UNC13A: variants seen among roughly 807,000 people sequenced by gnomAD.
UNC13A encodes the protein protein unc-13 homolog A.
UNC13A carries 61 observed loss-of-function variants against 219.7 expected under a neutral mutation model. That is an observed-to-expected ratio of 0.28 (90% CI 0.23 to 0.34). The LOEUF (loss-of-function observed/expected upper bound fraction) is 0.34, where lower values mean the gene tolerates loss of function less well. Among genes scored for constraint, UNC13A ranks in the 10% least tolerant of loss-of-function variants. The probability of loss-of-function intolerance (pLI) is 1.00; values close to 1 mark genes in which losing one functional copy is unlikely to be tolerated. For synonymous variants in UNC13A, 920 were observed against 884.6 expected, an observed-to-expected ratio of 1.04 and a Z score of -0.71; for missense variants, 1,476 against 2,270.3, an observed-to-expected ratio of 0.65 and a Z score of 7.11.
intron 1 of UNC13A, among the ~76,000 whole-genome samples, chr19:17,682,330 C>G (rs900708541): frequency 2.6e-5 from 4 of 152,186 alleles, no homozygotes; most frequent in Non-Finnish European, 4.4e-5. Context: ...AGGGGCTCTG[C>G]AAGCCTCATT....
At chr19:17,630,844 G>C (rs991008572) in intron 28 of UNC13A, 94 bp from the exon 29 acceptor site, 4 of 1,118,278 alleles carry the variant, frequency 3.6e-6, no homozygotes, top group Non-Finnish European at 5.2e-6. Context: ...TGGAGCTATG[G>C]CTGCTCCTGC....
chr19:17,663,291 C>A (rs1367854955), intron 8 of UNC13A, among the ~76,000 whole-genome samples: 1 of 140,292 alleles, frequency 7.1e-6, no homozygotes, highest in Non-Finnish European at 1.6e-5. Flanking sequence ...TCCAGGCTAA[C>A]CCCCCCCACC....
chr19:17,616,315 G>A, intron 41 of UNC13A: 3 of 645,052 alleles, frequency 4.7e-6, no homozygotes, highest in East Asian at 2.8e-5. Context: ...GGCCCTTGAG[G>A]CAGAAGGACG....
Position 17,639,823 on chromosome 19 carries a change from A to T in UNC13A, c.2856+17T>A. On this transcript the variant is annotated intron_variant, in intron 23 of 43. Coordinates refer to ENST00000519716, the MANE Select transcript of UNC13A (RefSeq NM_001080421.3). ...ATGTGCGTGGGGTGAGCAAATTCTC[A>T]TGCACACACTTCCTACCCGGTACAT... 1.2e-6 allele frequency: 2 copies of T among 1,611,774 alleles called. No homozygotes were observed. Among genetic ancestry groups the T allele is most frequent in the Non-Finnish European group, 1.7e-6 (2 of 1,178,500 alleles).
At chr19:17,608,385 T>TATATATTATATATGTATATAA (rs1555775548) in intron 43 of UNC13A, among the ~76,000 whole-genome samples, 10 of 42,396 alleles carry the variant, frequency 2.4e-4, no homozygotes, top group African/African-American at 9.7e-4. Flanking sequence ...TGTATATAAA[T>TATATATTATATATGTATATAA]ATATATATAT....
intron 21 of UNC13A, among the ~76,000 whole-genome samples, chr19:17,641,093 G>C (rs931840201): frequency 6.6e-6 from 1 of 151,896 alleles, no homozygotes; most frequent in African/African-American, 2.4e-5. Flanking sequence ...TGGCCAGGCT[G>C]GTCTTGTACT....
At position 17,606,105 on chromosome 19, in the gene UNC13A, G is replaced by A. The variant is rs754854349; in HGVS notation, c.5061C>T (p.Leu1687=). ...NDEVAKEFVK[L]KSDTRSAEEG... is the part of the protein sequence containing the mutation. ...CCTCGGCGGAGCGCGTGTCCGACTT[G>A]AGCTTCACGAACTCCTTGGCCACCT... is the stretch of plus-strand genomic sequence containing the variant. Residue 1687 remains leucine, a synonymous_variant, in exon 44 of 44, where the codon CTC becomes CTT. Transcript: ENST00000519716. The A allele has an allele frequency of 1.9e-6, 3 of 1,596,244 alleles. No individual in the cohort carries two copies. The highest frequency in any genetic ancestry group is 2.8e-5 in the African/African-American group (2 of 72,580).
chr19:17,608,264 TAATA>T (rs2076556339), intron 43 of UNC13A, among the ~76,000 whole-genome samples: 1 of 141,184 alleles, frequency 7.1e-6, no homozygotes. Flanking sequence ...ATGAAATATA[TAATA>T]TATATACTTT....
At chr19:17,636,463 A>T (rs551198114) in intron 25 of UNC13A, among the ~76,000 whole-genome samples, 143 of 152,318 alleles carry the variant, frequency 9.4e-4, no homozygotes, top group Non-Finnish European at 1.4e-3. Context: ...ATGAATGCAA[A>T]TTAAGCCCAC....
intron 23 of UNC13A, 122 bp downstream of exon 23, chr19:17,639,718 C>G (rs1317590010): frequency 3.2e-6 from 4 of 1,252,432 alleles, no homozygotes; most frequent in Non-Finnish European, 4.6e-6. Flanking sequence ...TGCACACATG[C>G]TGGAGGAACA....
At chr19:17,672,683 G>A (rs2079813183) in intron 3 of UNC13A, among the ~76,000 whole-genome samples, 188 bp from the exon 4 acceptor site, 1 of 152,122 alleles carries the variant, frequency 6.6e-6, no homozygotes, top group Non-Finnish European at 1.5e-5. Context: ...AGTGGGGGAA[G>A]TTAAGAGCTC....
Position 17,640,681 on chromosome 19 carries a change from GGC to G in UNC13A, c.2637-22_2637-21del, listed in dbSNP as rs1404069924. The G allele has an allele frequency of 6.4e-7, 1 of 1,563,004 alleles. No individual in the cohort carries two copies. The highest frequency in any genetic ancestry group is 8.7e-7 in the Non-Finnish European group (1 of 1,155,082). ...AAGTGGCTGGAGAGAGGGAGCAGGA[GGC>G]ACTAGGCCAGGGGTCCAGCCAGGAT... On this transcript the variant is annotated intron_variant, in intron 21 of 43. Coordinates refer to ENST00000519716, the MANE Select transcript of UNC13A (RefSeq NM_001080421.3).
chr19:17,688,224 GA>G lies in UNC13A; in HGVS notation c.-26del. On this transcript the variant is annotated 5_prime_UTR_variant, in exon 1 of 44. Transcript: ENST00000519716. The stretch of plus-strand genomic sequence containing the variant: ...TGTCTCCGAGCTCGCAGGTGGGCCG[GA>G]GGCGGCCGGGCCGGCTCTGTCGGGT... The G allele has an allele frequency of 6.7e-7, 1 of 1,493,120 alleles. No homozygotes were observed. Among genetic ancestry groups the G allele is most frequent in the South Asian group, 1.3e-5 (1 of 78,152 alleles). 92.5% of individuals were successfully genotyped at this position (1,493,120 alleles called of 1,614,324 possible).
At chr19:17,641,316 T>C in intron 21 of UNC13A, 77 bp downstream of exon 21, 2 of 1,545,652 alleles carry the variant, frequency 1.3e-6, no homozygotes, top group South Asian at 1.2e-5. Context: ...CCCCTGAGAA[T>C]CCCTCCCACC....
chr19:17,619,234 C>T (rs2076701040), intron 38 of UNC13A, among the ~76,000 whole-genome samples: 1 of 152,038 alleles, frequency 6.6e-6, no homozygotes, highest in South Asian at 2.1e-4. Context: ...CTGTGAGGGG[C>T]AGTGGGTTGG....
chr19:17,623,536 A>G lies in UNC13A; in HGVS notation c.4203+6T>C. 1 of 1,481,558 alleles carries G rather than the reference A, an allele frequency of 6.7e-7. No homozygotes were observed. Among genetic ancestry groups the G allele is most frequent in the Non-Finnish European group, 8.9e-7 (1 of 1,117,330 alleles). The allele number at this position is 1,481,558 out of a possible 1,614,324, so 91.8% of individuals were successfully genotyped here. ...CAGACAGACGGACAGACGGGACTCT[A>G]CTTACGATCATCTGTCATCCGTGAT... On this transcript the variant is annotated splice_donor_region_variant and intron_variant, in intron 36 of 43. Coordinates refer to ENST00000519716, the MANE Select transcript of UNC13A (RefSeq NM_001080421.3).
rs1187391975 is a variant in UNC13A at position 17,674,554 on chromosome 19, G to A, written c.152+103C>T. On this transcript the variant is annotated intron_variant, in intron 3 of 43. Coordinates refer to ENST00000519716, the MANE Select transcript of UNC13A (RefSeq NM_001080421.3). The surrounding 1 kb of genome is among the most constrained non-coding windows in gnomAD (Gnocchi z 5.0). ...GGACAGGGGAAGAGGGAGGACAGAG[G>A]GGAGTCACCCGGGATTCCCCAGTGT... 2.3e-5 allele frequency: 22 copies of A among 952,518 alleles called. No homozygotes were observed. Among genetic ancestry groups the A allele is most frequent in the Non-Finnish European group, 3.5e-5 (21 of 606,516 alleles). The allele number at this position is 952,518 out of a possible 1,614,324, so 59.0% of individuals were successfully genotyped here. A position where few individuals can be genotyped will look rare whatever the true frequency, so the allele number is the denominator to read the frequency against.
chr19:17,630,792 C>G (rs1475716753), intron 28 of UNC13A, 42 bp from the exon 29 acceptor site: 2 of 1,579,702 alleles, frequency 1.3e-6, no homozygotes, highest in Non-Finnish European at 1.7e-6. Context: ...ACCTCTTGTC[C>G]TCCTCAACCT....
chr19:17,658,436 A>G (rs1182307806), intron 8 of UNC13A, among the ~76,000 whole-genome samples, 167 bp from the exon 9 acceptor site: 1 of 152,182 alleles, frequency 6.6e-6, no homozygotes, highest in Non-Finnish European at 1.5e-5. Flanking sequence ...GCTTCAGAAC[A>G]AGGGAGGTGA....
Sources: gnomAD v4.1 joint callset for allele counts (sites outside exome capture counted in the v4.1 genomes callset) on GRCh38, gnomAD v4.1.1 for gene constraint, Gnocchi (gnomAD v3.1) non-coding constraint, MANE v1.5 for transcripts, NCBI Gene and HGNC (gene_info 2026-07-23, HGNC 2026-07-21) for gene names.